CCSER1: variants seen among roughly 807,000 people sequenced by gnomAD.
The protein encoded by CCSER1 is coiled-coil serine rich protein 1.
CCSER1 carries 41 observed loss-of-function variants against 82.0 expected under a neutral mutation model. The observed-to-expected ratio is 0.50, with a 90% CI of 0.39 to 0.65. The LOEUF (loss-of-function observed/expected upper bound fraction) is 0.65, where lower values mean the gene tolerates loss of function less well. CCSER1 is among the 30% of genes least tolerant of loss of function. The pLI, the probability that CCSER1 is intolerant of heterozygous loss-of-function variation, is 0.00. For missense variants in CCSER1, 1,119 were observed against 1,064.2 expected, an observed-to-expected ratio of 1.05 and a Z score of -0.72; for synonymous variants, 414 against 383.9, an observed-to-expected ratio of 1.08 and a Z score of -0.92.
intron 5 of CCSER1, among the ~76,000 whole-genome samples, chr4:90,606,477 T>A (rs1252802799): frequency 6.6e-6 from 1 of 152,206 alleles, no homozygotes; most frequent in Non-Finnish European, 1.5e-5. Flanking sequence ...TCTTATGGGA[T>A]CATTGTTGTA....
chr4:91,227,542 G>GT (rs1005808339), intron 10 of CCSER1, among the ~76,000 whole-genome samples: 5 of 151,346 alleles, frequency 3.3e-5, no homozygotes, highest in African/African-American at 1.2e-4. Context: ...GATTCATGGG[G>GT]TACATGTACT....
At chr4:91,355,792 C>A (rs1748787383) in intron 10 of CCSER1, among the ~76,000 whole-genome samples, 2 of 152,134 alleles carry the variant, frequency 1.3e-5, no homozygotes, top group South Asian at 4.1e-4. Context: ...ACGTACAGCT[C>A]CCAGTCTACT....
intron 10 of CCSER1, among the ~76,000 whole-genome samples, chr4:91,132,783 G>C (rs1169961456): frequency 6.6e-6 from 1 of 152,134 alleles, no homozygotes; most frequent in Non-Finnish European, 1.5e-5. Context: ...ATAACTTTCA[G>C]TTTAGAAGAA....
chr4:91,592,346 CAT>C (rs989721259), intron 10 of CCSER1, among the ~76,000 whole-genome samples: 6 of 152,194 alleles, frequency 3.9e-5, no homozygotes, highest in African/African-American at 1.4e-4. Flanking sequence ...TCTCCCATGA[CAT>C]GTGGGGATTA....
chr4:90,431,631 A>C (rs962674188), intron 4 of CCSER1, among the ~76,000 whole-genome samples: 5 of 152,076 alleles, frequency 3.3e-5, no homozygotes, highest in African/African-American at 1.2e-4. Flanking sequence ...ATAAAATAGT[A>C]TTGACTTGTT....
At chr4:91,385,604 T>A (rs1751236047) in intron 10 of CCSER1, among the ~76,000 whole-genome samples, 1 of 151,312 alleles carries the variant, frequency 6.6e-6, no homozygotes, top group Non-Finnish European at 1.5e-5. Context: ...TGTTTTCAAA[T>A]GAATAGCATT....
At chr4:90,911,499 C>T (rs769949657) in intron 8 of CCSER1, 60 of 325,302 alleles carry the variant, frequency 1.8e-4, no homozygotes, top group South Asian at 7.8e-4. Context: ...ATCTTGGGGG[C>T]GGTTCCAAGA....
At chr4:90,424,233 T>C (rs1757212118) in intron 4 of CCSER1, among the ~76,000 whole-genome samples, 1 of 152,170 alleles carries the variant, frequency 6.6e-6, no homozygotes, top group Non-Finnish European at 1.5e-5. Flanking sequence ...AGTAATGCTG[T>C]CTTAGTTCCA....
intron 8 of CCSER1, among the ~76,000 whole-genome samples, chr4:90,858,248 G>A (rs1764682739): frequency 6.6e-6 from 1 of 151,966 alleles, no homozygotes; most frequent in Non-Finnish European, 1.5e-5. Flanking sequence ...TTATTCCTAA[G>A]AACGTAGTTG....
At chr4:90,171,537 A>T (rs192886605) in intron 1 of CCSER1, among the ~76,000 whole-genome samples, 25 of 152,040 alleles carry the variant, frequency 1.6e-4, no homozygotes, top group Non-Finnish European at 3.5e-4. Flanking sequence ...CTTCCAAATA[A>T]TAAAGATGTT....
At chr4:91,490,841 T>C (rs115971221) in intron 10 of CCSER1, among the ~76,000 whole-genome samples, 2,558 of 113,980 alleles carry the variant, frequency 0.022, 139 homozygotes, top group African/African-American at 0.076. Flanking sequence ...GATTACACAT[T>C]GTATGCCTGT....
At chr4:90,466,969 A>G (rs1007771104) in intron 4 of CCSER1, among the ~76,000 whole-genome samples, 1 of 152,266 alleles carries the variant, frequency 6.6e-6, no homozygotes, top group Non-Finnish European at 1.5e-5. Flanking sequence ...TTATTAACGA[A>G]ATGTATAAAT....
intron 8 of CCSER1, among the ~76,000 whole-genome samples, chr4:90,827,616 A>G (rs1229425741): frequency 1.3e-5 from 2 of 152,172 alleles, no homozygotes; most frequent in Admixed American, 6.6e-5. Flanking sequence ...GTCCTATTTC[A>G]TGGACACTCT....
At chr4:91,255,986 G>C (rs1381212693) in intron 10 of CCSER1, among the ~76,000 whole-genome samples, 1 of 152,180 alleles carries the variant, frequency 6.6e-6, no homozygotes, top group Non-Finnish European at 1.5e-5. Context: ...GGGAACAAGG[G>C]AGATAACCAT....
chr4:91,151,169 G>A (rs1031149130), intron 10 of CCSER1, among the ~76,000 whole-genome samples: 1 of 152,098 alleles, frequency 6.6e-6, no homozygotes, highest in Admixed American at 6.6e-5. Context: ...TCTACTCAGG[G>A]ATTCAACTTC....
intron 6 of CCSER1, among the ~76,000 whole-genome samples, chr4:90,695,565 A>G (rs532779339): frequency 2.0e-5 from 3 of 152,152 alleles, no homozygotes; most frequent in East Asian, 1.9e-4. Context: ...TCTTATTTAC[A>G]TAGGAGGAAC....
At chr4:91,296,772 A>G (rs983323223) in intron 10 of CCSER1, among the ~76,000 whole-genome samples, 1 of 151,418 alleles carries the variant, frequency 6.6e-6, no homozygotes, top group African/African-American at 2.4e-5. Flanking sequence ...TGACAAGGTT[A>G]GAGGGAATTT....
chr4:90,892,737 C>T (rs1433590427), intron 8 of CCSER1, among the ~76,000 whole-genome samples: 1 of 151,928 alleles, frequency 6.6e-6, no homozygotes, highest in African/African-American at 2.4e-5. Flanking sequence ...TATATAATCA[C>T]TTCTATTTCT....
chr4:90,634,746 A>G (rs530910680), intron 6 of CCSER1, among the ~76,000 whole-genome samples: 4 of 151,894 alleles, frequency 2.6e-5, no homozygotes, highest in African/African-American at 4.8e-5. Flanking sequence ...CCATGGAAAT[A>G]TAGACAGCAG....
Sources: allele counts gnomAD v4.1 joint callset (sites outside exome capture counted in the v4.1 genomes callset), GRCh38; gene constraint gnomAD v4.1.1; transcripts MANE v1.5; gene names NCBI Gene and HGNC (gene_info 2026-07-23, HGNC 2026-07-21).